The following UST variants were observed in gnomAD, a reference collection of about 807,000 sequenced individuals.
UST encodes chondroitin sulfate 2-O-sulfotransferase.
UST carries 21 observed loss-of-function variants against 45.6 expected under a neutral mutation model. The ratio of observed to expected loss-of-function variants is 0.46; its 90% CI spans 0.33 to 0.66. The LOEUF (loss-of-function observed/expected upper bound fraction) is 0.66. UST is among the 30% of genes least tolerant of loss of function. UST has a pLI of 0.02. For missense variants in UST, 463 were observed against 512.4 expected, an observed-to-expected ratio of 0.90 and a Z score of 0.93; for synonymous variants, 215 against 200.6, an observed-to-expected ratio of 1.07 and a Z score of -0.61.
chr6:148,998,473 T>G (rs1781490613), intron 5 of UST, among the ~76,000 whole-genome samples: 1 of 152,264 alleles, frequency 6.6e-6, no homozygotes, highest in Non-Finnish European at 1.5e-5. Context: ...ACCTTTTCCT[T>G]CTGGTATTAC....
chr6:149,033,215 T>C (rs1232898629), intron 7 of UST, among the ~76,000 whole-genome samples: 2 of 152,236 alleles, frequency 1.3e-5, no homozygotes, highest in Non-Finnish European at 2.9e-5. Context: ...ACAAAGGATT[T>C]CAAAACTGTC....
chr6:149,072,771 AC>A (rs1314988195), intron 7 of UST, among the ~76,000 whole-genome samples: 22 of 152,234 alleles, frequency 1.4e-4, no homozygotes, highest in Admixed American at 1.4e-3. Flanking sequence ...GATTCCACCT[AC>A]ATGAAGTACT....
At chr6:148,840,879 C>T (rs1777874793) in intron 1 of UST, among the ~76,000 whole-genome samples, 1 of 152,142 alleles carries the variant, frequency 6.6e-6, no homozygotes, top group South Asian at 2.1e-4. Context: ...CCACTGCGTT[C>T]ACTGCGTCTT....
chr6:148,802,474 A>G (rs940449702), intron 1 of UST, among the ~76,000 whole-genome samples: 7 of 152,224 alleles, frequency 4.6e-5, no homozygotes, highest in Non-Finnish European at 8.8e-5. Context: ...ATCTGGGCAT[A>G]AAAGTATGGG....
At chr6:148,775,623 TA>T (rs1776516824) in intron 1 of UST, among the ~76,000 whole-genome samples, 2 of 148,476 alleles carry the variant, frequency 1.3e-5, no homozygotes, top group South Asian at 4.3e-4. Context: ...TTTTTTTAAT[TA>T]AATTTTTTTT....
chr6:148,832,965 A>G (rs1777716944), intron 1 of UST, among the ~76,000 whole-genome samples: 1 of 152,188 alleles, frequency 6.6e-6, no homozygotes, highest in African/African-American at 2.4e-5. Context: ...GCATGAGAAA[A>G]AGCCTTCATC....
chr6:149,074,134 T>C lies in UST; in HGVS notation c.*18T>C, dbSNP rs368122106. ...AGAGGTGATGTGACTGTGTTGCCTC[T>C]ATGGCTTTATCTCCCTTTTCCAGAA... On this transcript the variant is annotated 3_prime_UTR_variant, in exon 8 of 8. Coordinates refer to ENST00000367463, the MANE Select transcript of UST (RefSeq NM_005715.3). 5.0e-6 allele frequency: 8 copies of C among 1,607,442 alleles called. No homozygotes were observed. The highest frequency in any genetic ancestry group is 6.8e-6 in the Non-Finnish European group (8 of 1,175,128).
chr6:148,782,838 T>A (rs1776669614), intron 1 of UST, among the ~76,000 whole-genome samples: 1 of 152,228 alleles, frequency 6.6e-6, no homozygotes. Flanking sequence ...ATTGTTGAAA[T>A]GACAACAAAG....
chr6:148,841,136 T>A (rs924021049), intron 1 of UST, among the ~76,000 whole-genome samples: 1 of 151,980 alleles, frequency 6.6e-6, no homozygotes, highest in Non-Finnish European at 1.5e-5. Flanking sequence ...CTAGTAAGAT[T>A]TGAAATAGAA....
chr6:149,049,962 C>CACACAG (rs574284527), intron 7 of UST, among the ~76,000 whole-genome samples: 1,680 of 146,950 alleles, frequency 0.011, 12 homozygotes, highest in Middle Eastern at 0.017. Flanking sequence ...CACACACACA[C>CACACAG]ACACGTGGCC....
intron 1 of UST, among the ~76,000 whole-genome samples, chr6:148,763,491 G>C (rs535467723): frequency 6.6e-6 from 1 of 152,204 alleles, no homozygotes; most frequent in South Asian, 2.1e-4. Flanking sequence ...TTTCTTTGCT[G>C]TACAGAAGCT....
At chr6:148,956,929 C>G (rs888536380) in intron 4 of UST, among the ~76,000 whole-genome samples, 1 of 152,122 alleles carries the variant, frequency 6.6e-6, no homozygotes, top group Non-Finnish European at 1.5e-5. Flanking sequence ...AGGAACTTCC[C>G]TGTGGGATGA....
chr6:148,801,710 G>T lies in UST; in HGVS notation c.247+54033G>T, dbSNP rs766144575. 3.3e-5 allele frequency among the ~76,000 whole-genome samples: 5 copies of T among 152,012 alleles called. 1 individual carries two copies. The highest frequency in any genetic ancestry group is 2.0e-4 in the Admixed American group (3 of 15,274). ...CCTGGGGCTTCCTGAGCATCAGCAC[G>T]TGCTTAGCAGTCACTCTCCCCTTTC... is the stretch of plus-strand genomic sequence containing the variant. On this transcript the variant is annotated intron_variant, in intron 1 of 7. Transcript: ENST00000367463.
intron 5 of UST, among the ~76,000 whole-genome samples, chr6:148,992,121 T>G (rs1781365273): frequency 6.6e-6 from 1 of 152,330 alleles, no homozygotes; most frequent in Non-Finnish European, 1.5e-5. Context: ...CCTTGCTCCA[T>G]CCACACAAAT....
chr6:148,919,361 CAGTT>C (rs1340364821), intron 2 of UST, among the ~76,000 whole-genome samples: 1 of 152,108 alleles, frequency 6.6e-6, no homozygotes, highest in Non-Finnish European at 1.5e-5. Context: ...ATGTCAGAGT[CAGTT>C]AGAAGCTGGG....
At chr6:149,023,561 A>G (rs998542293) in intron 7 of UST, among the ~76,000 whole-genome samples, 1 of 152,096 alleles carries the variant, frequency 6.6e-6, no homozygotes, top group Non-Finnish European at 1.5e-5. Flanking sequence ...TTTTATTAAT[A>G]TTGTTTATTT....
At chr6:148,787,682 G>A (rs931206780) in intron 1 of UST, among the ~76,000 whole-genome samples, 6 of 152,042 alleles carry the variant, frequency 3.9e-5, no homozygotes, top group East Asian at 1.9e-4. Flanking sequence ...GCTCTTTTTC[G>A]GTTCCATATG....
intron 2 of UST, among the ~76,000 whole-genome samples, chr6:148,888,837 G>C (rs899941126): frequency 2.6e-5 from 4 of 152,160 alleles, no homozygotes; most frequent in African/African-American, 9.7e-5. Flanking sequence ...AACAAAAATA[G>C]CCTCTATTCT....
intron 1 of UST, among the ~76,000 whole-genome samples, chr6:148,836,793 C>G (rs1337059472): frequency 2.6e-5 from 4 of 152,136 alleles, no homozygotes; most frequent in Admixed American, 2.6e-4. Context: ...CAGGAGTACA[C>G]AGGTGACCTC....
Sources: allele counts gnomAD v4.1 joint callset (sites outside exome capture counted in the v4.1 genomes callset), GRCh38; gene constraint gnomAD v4.1.1; transcripts MANE v1.5; gene names NCBI Gene and HGNC (gene_info 2026-07-23, HGNC 2026-07-21).